MMP26: variants seen among roughly 807,000 people sequenced by gnomAD.
The protein encoded by MMP26 is matrix metalloproteinase-26.
Under a neutral mutation model 31.0 loss-of-function variants are expected in MMP26, and 33 were observed. The observed-to-expected ratio is 1.06, with a 90% confidence interval of 0.81 to 1.42. The LOEUF (loss-of-function observed/expected upper bound fraction) is 1.42. Ranked by LOEUF, MMP26 falls within the 40% of genes most tolerant of loss-of-function variation. The probability of loss-of-function intolerance (pLI) is 0.00; values close to 1 mark genes in which losing one functional copy is unlikely to be tolerated. For synonymous variants in MMP26, 122 were observed against 114.9 expected, an observed-to-expected ratio of 1.06 and a Z score of -0.40; for missense variants, 347 against 316.1, an observed-to-expected ratio of 1.10 and a Z score of -0.74.
chr11:4,987,410 T>G (rs1846918239), intron 2 of MMP26, among the ~76,000 whole-genome samples: 1 of 151,924 alleles, frequency 6.6e-6, no homozygotes, highest in African/African-American at 2.4e-5. Context: ...TTTTGTGGTT[T>G]TTTTTTGTTT....
At chr11:4,726,843 CA>C (rs1196356048) in intron 1 of MMP26, among the ~76,000 whole-genome samples, 1 of 151,968 alleles carries the variant, frequency 6.6e-6, no homozygotes, top group African/African-American at 2.4e-5. Context: ...CTGATCTCTA[CA>C]AAAAAGTTAA....
chr11:4,864,061 T>A (rs1341893112), intron 2 of MMP26, among the ~76,000 whole-genome samples: 1 of 152,132 alleles, frequency 6.6e-6, no homozygotes, highest in African/African-American at 2.4e-5. Context: ...CCAGTCTCAG[T>A]CTCAGTGATG....
rs143874940 is a variant in MMP26 at position 4,902,161 on chromosome 11, T to G, written c.-144-85907T>G. On this transcript the variant is annotated intron_variant, in intron 2 of 7. Transcript: ENST00000380390. ...TCTATTTATAAATAAATCTTGTGAG[T>G]TACCTTTCCTCTGGGTACTATTACA... Among the ~76,000 whole-genome samples the G allele has an allele frequency of 1.1e-3, 168 of 152,246 alleles. No homozygotes were observed. In the East Asian group the frequency reaches 0.022, roughly 20 times the overall value.
At chr11:4,821,770 C>A (rs1849506043) in intron 2 of MMP26, 3 of 1,613,792 alleles carry the variant, frequency 1.9e-6, no homozygotes, top group Non-Finnish European at 2.5e-6. Flanking sequence ...GTCTGGGGTT[C>A]TACTGGCCAT....
rs772634535 is a variant in MMP26, at chr11:4,804,349, T to C, written c.-145+37008T>C. ...TCCAAGCAGGATGAAGGACACAGGA[T>C]GAGAAGAGCTGTTCCCTGAAGCCAG... On this transcript the variant is annotated intron_variant, in intron 2 of 7. Transcript: ENST00000380390. The C allele has an allele frequency of 6.8e-6, 11 of 1,614,010 alleles. No homozygotes were observed. The African/African-American group carries it at 1.3e-4, about 20-fold the overall frequency.
chr11:4,868,689 A>G (rs981067992), intron 2 of MMP26, among the ~76,000 whole-genome samples: 1 of 152,162 alleles, frequency 6.6e-6, no homozygotes, highest in Admixed American at 6.6e-5. Context: ...GCTACCAATG[A>G]CTTTCTTCAC....
intron 2 of MMP26, chr11:4,915,069 C>T (rs776208957): frequency 2.5e-5 from 41 of 1,613,962 alleles, no homozygotes; most frequent in Admixed American, 5.0e-5. Flanking sequence ...ATGCTGTTGG[C>T]CTTCATGTCG....
chr11:4,901,193 C>A (rs1281835034), intron 2 of MMP26, among the ~76,000 whole-genome samples: 1 of 124,546 alleles, frequency 8.0e-6, no homozygotes, highest in Non-Finnish European at 1.6e-5. Flanking sequence ...GAGTCTCACT[C>A]TGTCGCCCAG....
intron 1 of MMP26, among the ~76,000 whole-genome samples, chr11:4,756,331 C>G (rs1167691216): frequency 6.6e-6 from 1 of 151,880 alleles, no homozygotes; most frequent in Non-Finnish European, 1.5e-5. Flanking sequence ...ATACAAATAA[C>G]TATAGTCTCA....
At chr11:4,798,934 G>A (rs899453479) in intron 2 of MMP26, among the ~76,000 whole-genome samples, 2 of 152,152 alleles carry the variant, frequency 1.3e-5, no homozygotes, top group African/African-American at 2.4e-5. Context: ...TCACAGTTTG[G>A]TTCTAAGTCA....
chr11:4,895,016 T>C (rs1850679986), intron 2 of MMP26, among the ~76,000 whole-genome samples: 1 of 152,146 alleles, frequency 6.6e-6, no homozygotes, highest in Non-Finnish European at 1.5e-5. Context: ...CCCTAATCAG[T>C]TGAAAACATA....
chr11:4,876,636 A>G (rs1215176294), intron 2 of MMP26: 1 of 152,202 alleles, frequency 6.6e-6, no homozygotes, highest in Non-Finnish European at 1.5e-5. Context: ...CCAGAGAAAG[A>G]CTTATGGATG....
At chr11:4,902,658 T>C (rs1219631922) in intron 2 of MMP26, among the ~76,000 whole-genome samples, 1 of 152,222 alleles carries the variant, frequency 6.6e-6, no homozygotes, top group Non-Finnish European at 1.5e-5. Flanking sequence ...TATAATAAAA[T>C]GTTAAGTCCC....
chr11:4,801,521 TTTATTTA>T (rs1849182270), intron 2 of MMP26, among the ~76,000 whole-genome samples: 3 of 129,934 alleles, frequency 2.3e-5, no homozygotes, highest in South Asian at 2.5e-4. Context: ...TATTTATTTA[TTTATTTA>T]TTTATTTATT....
chr11:4,716,236 C>G (rs529903572), intron 1 of MMP26, among the ~76,000 whole-genome samples: 2 of 152,292 alleles, frequency 1.3e-5, no homozygotes, highest in Admixed American at 1.3e-4. Context: ...TTCAACCGTG[C>G]GAGATCCTGA....
At chr11:4,768,658 G>A (rs1848662725) in intron 2 of MMP26, among the ~76,000 whole-genome samples, 1 of 151,982 alleles carries the variant, frequency 6.6e-6, no homozygotes, top group Non-Finnish European at 1.5e-5. Flanking sequence ...ATTTCATTTC[G>A]CTGTTTTGGA....
At chr11:4,722,873 C>T in intron 1 of MMP26, 1 of 810,508 alleles carries the variant, frequency 1.2e-6, no homozygotes, top group Non-Finnish European at 2.2e-6. Flanking sequence ...GGAGCCCAGG[C>T]CATAGCTGAG....
chr11:4,965,900 TCTC>T (rs1388005804), intron 2 of MMP26, among the ~76,000 whole-genome samples: 1 of 152,190 alleles, frequency 6.6e-6, no homozygotes, highest in Non-Finnish European at 1.5e-5. Context: ...TTCTGTGAAT[TCTC>T]CTTCTAAGTA....
intron 2 of MMP26, among the ~76,000 whole-genome samples, chr11:4,906,949 G>T (rs560946758): frequency 1.3e-4 from 19 of 151,822 alleles, no homozygotes; most frequent in African/African-American, 2.9e-4. Context: ...AATTAGCTAC[G>T]CATGGTGGTG....
Sources: allele counts gnomAD v4.1 joint callset (sites outside exome capture counted in the v4.1 genomes callset), GRCh38; gene constraint gnomAD v4.1.1; transcripts MANE v1.5; gene names NCBI Gene and HGNC (gene_info 2026-07-23, HGNC 2026-07-21).